PALB2: variants seen among roughly 807,000 people sequenced by gnomAD.
PALB2 encodes the protein mutant partner and localizer of BRCA2.
In PALB2, 82 loss-of-function variants were observed where a neutral mutation model predicts 107.4. The ratio of observed to expected loss-of-function variants is 0.76; its 90% CI spans 0.64 to 0.92. PALB2 has a LOEUF of 0.92. PALB2 is among the 40% of genes least tolerant of loss of function. The pLI, the probability that PALB2 is intolerant of heterozygous loss-of-function variation, is 0.00. For synonymous variants in PALB2, 489 were observed against 496.8 expected (o/e 0.98, Z 0.21); for missense variants, 1,374 against 1,379.9 (o/e 1.00, Z 0.07).
chr16:23,616,489 C>T (rs1966686587), intron 10 of PALB2, among the ~76,000 whole-genome samples: 2 of 152,064 alleles, frequency 1.3e-5, no homozygotes, highest in South Asian at 4.1e-4. Flanking sequence ...TTGTTCTTTC[C>T]TCAAATCCCA....
At chr16:23,628,080 A>G (rs1966850316) in intron 6 of PALB2, among the ~76,000 whole-genome samples, 1 of 152,076 alleles carries the variant, frequency 6.6e-6, no homozygotes, top group South Asian at 2.1e-4. Context: ...AAAAATTAGC[A>G]AGGCGTGGTG....
intron 7 of PALB2, among the ~76,000 whole-genome samples, chr16:23,625,264 C>T (rs1305085087): frequency 6.6e-6 from 1 of 151,858 alleles, no homozygotes; most frequent in African/African-American, 2.4e-5. Flanking sequence ...ACCCGGGAAG[C>T]GGAGATTGCA....
rs756502783 is a variant in PALB2 at position 23,629,649 on chromosome 16, G to A, written c.2505C>T (p.Ser835=). ...AGGAAATGGATTGTACCTGTTCGACGGAATGTTTATGCAGCTCCTGGCATG... is the reference window on the plus strand; with the variant it reads ...AGGAAATGGATTGTACCTGTTCGACAGAATGTTTATGCAGCTCCTGGCATG... ...RNTCQELHKH[S]VEQTETAELP... Residue 835 remains serine (S), a synonymous_variant, in exon 5 of 13, where the codon TCC becomes TCT. Coordinates refer to ENST00000261584, the MANE Select transcript of PALB2 (RefSeq NM_024675.4). 1.4e-5 allele frequency: 23 copies of A among 1,613,834 alleles called. No individual in the cohort carries two copies. Among genetic ancestry groups the A allele is most frequent in the Middle Eastern group, 3.3e-4 (2 of 6,082 alleles).
Position 23,608,030 on chromosome 16 carries a change from TA to T in PALB2, c.3202-19del, listed in dbSNP as rs776966018. On this transcript the variant is annotated intron_variant, in intron 11 of 12. Transcript: ENST00000261584. ...AGAAGCCCCTAATTTCGGAGAAAAATAAATATCCCAAATAGACTGTCAAGAG... is the reference window on the plus strand; with the variant it reads ...AGAAGCCCCTAATTTCGGAGAAAAATAATATCCCAAATAGACTGTCAAGAG... The T allele has an allele frequency of 1.2e-6, 2 of 1,610,894 alleles. No individual in the cohort carries two copies. Among genetic ancestry groups the T allele is most frequent in the South Asian group, 2.2e-5 (2 of 91,008 alleles).
chr16:23,624,265 T>C (rs1265565017), intron 7 of PALB2, among the ~76,000 whole-genome samples, 171 bp from the exon 8 acceptor site: 1 of 152,244 alleles, frequency 6.6e-6, no homozygotes, highest in Admixed American at 6.5e-5. Context: ...ATAAACTATA[T>C]GCATAATAGC....
intron 8 of PALB2, among the ~76,000 whole-genome samples, 182 bp from the exon 9 acceptor site, chr16:23,623,312 C>T (rs1966809678): frequency 6.7e-6 from 1 of 150,230 alleles, no homozygotes; most frequent in South Asian, 2.1e-4. Context: ...AAGCGACTGT[C>T]CTGCCTCAGC....
Position 23,635,178 on chromosome 16 carries a change from C to G in PALB2, c.1368G>C (p.Glu456Asp). 6.2e-7 allele frequency: 1 copy of G among 1,614,144 alleles called. No individual in the cohort carries two copies. Among genetic ancestry groups the G allele is most frequent in the Non-Finnish European group, 8.5e-7 (1 of 1,180,036 alleles). Reference protein sequence around the residue: ...DASKNLNLSNEETDQSEIRMS... With the variant: ...DASKNLNLSNDETDQSEIRMS... ...TCCTAATTTCACTTTGGTCAGTTTCCTCATTGGAAAGGTTTAAATTTTTAC... is the reference window on the plus strand; with the variant it reads ...TCCTAATTTCACTTTGGTCAGTTTCGTCATTGGAAAGGTTTAAATTTTTAC... Residue 456 changes from glutamate (E) to aspartate (D), a missense_variant, in exon 4 of 13, where the codon GAG becomes GAC. Transcript: ENST00000261584.
Position 23,641,168 on chromosome 16 carries a change from A to G in PALB2, c.-11T>C, listed in dbSNP as rs1967237547. 6.2e-7 allele frequency: 1 copy of G among 1,612,288 alleles called. No individual in the cohort carries two copies. The highest frequency in any genetic ancestry group is 8.5e-7 in the Non-Finnish European group (1 of 1,179,628). On this transcript the variant is annotated 5_prime_UTR_variant, in exon 1 of 13. Coordinates refer to ENST00000261584, the MANE Select transcript of PALB2 (RefSeq NM_024675.4). ...GGGAGGCTCGTCCATCGGGCAGGCGACAGAACGAAAAGAGCAGCCGTCGCC... is the reference window on the plus strand; with the variant it reads ...GGGAGGCTCGTCCATCGGGCAGGCGGCAGAACGAAAAGAGCAGCCGTCGCC...
chr16:23,605,230 G>C (rs899397968), intron 12 of PALB2, among the ~76,000 whole-genome samples: 3 of 151,948 alleles, frequency 2.0e-5, no homozygotes, highest in Non-Finnish European at 4.4e-5. Context: ...CTTATCTTTG[G>C]AAACTCCCTA....
At position 23,603,419 on chromosome 16, in the gene PALB2, C is replaced by A. The variant is rs2142250164; in HGVS notation, c.*40G>T. 6.6e-7 allele frequency: 1 copy of A among 1,519,248 alleles called. No individual in the cohort carries two copies. The highest frequency in any genetic ancestry group is 9.1e-7 in the Non-Finnish European group (1 of 1,094,430). The allele number at this position is 1,519,248 out of a possible 1,614,324, so 94.1% of individuals were successfully genotyped here. On this transcript the variant is annotated 3_prime_UTR_variant, in exon 13 of 13. Transcript: ENST00000261584. ...AAAACTCCAAAAAATACTAAGAGGC[C>A]CAATATATCCAGAAAATTGTGTTTT...
intron 9 of PALB2, among the ~76,000 whole-genome samples, chr16:23,622,568 A>C (rs1211240043): frequency 6.6e-6 from 1 of 151,988 alleles, no homozygotes; most frequent in African/African-American, 2.4e-5. Flanking sequence ...GCTAATTTTT[A>C]AATTTTTTGT....
chr16:23,625,019 C>T (rs191465745), intron 7 of PALB2, among the ~76,000 whole-genome samples: 1 of 152,248 alleles, frequency 6.6e-6, no homozygotes, highest in East Asian at 1.9e-4. Flanking sequence ...TTCTAAGCTC[C>T]TCCAACAGGT....
intron 10 of PALB2, among the ~76,000 whole-genome samples, chr16:23,618,201 A>G (rs1411717659): frequency 6.6e-6 from 1 of 152,142 alleles, no homozygotes; most frequent in Non-Finnish European, 1.5e-5. Flanking sequence ...CAGGAGGCTG[A>G]GGTGGGAGGA....
In PALB2 at chr16:23,637,968, A is replaced by C. The variant is rs2142458255; in HGVS notation, c.109-16T>G. The C allele has an allele frequency of 6.2e-7, 1 of 1,609,738 alleles. No homozygotes were observed. The highest frequency in any genetic ancestry group is 8.5e-7 in the Non-Finnish European group (1 of 1,176,014). The stretch of plus-strand genomic sequence containing the variant: ...TTTGGGCACGCTAGAGGAGACAAAA[A>C]CAGCCCCAGAAATACGTTTTCTTTA... On this transcript the variant is annotated splice_polypyrimidine_tract_variant and intron_variant, in intron 2 of 12. Transcript: ENST00000261584.
chr16:23,616,748 C>G (rs1391442484), intron 10 of PALB2, among the ~76,000 whole-genome samples: 1 of 152,132 alleles, frequency 6.6e-6, no homozygotes, highest in African/African-American at 2.4e-5. Flanking sequence ...CACACTGGCC[C>G]CTCAGTGTTT....
At chr16:23,610,657 C>A (rs755574602) in intron 11 of PALB2, among the ~76,000 whole-genome samples, 30 of 152,060 alleles carry the variant, frequency 2.0e-4, no homozygotes, top group Non-Finnish European at 4.1e-4. Context: ...TACTTACTAT[C>A]TTACACATGT....
intron 7 of PALB2, among the ~76,000 whole-genome samples, chr16:23,625,725 C>G (rs139152616): frequency 6.6e-6 from 1 of 151,748 alleles, no homozygotes; most frequent in Non-Finnish European, 1.5e-5. Context: ...TGAACCTGGG[C>G]GGCAGAGGTT....
Position 23,629,683 on chromosome 16 carries a change from CA to C in PALB2, c.2470del (p.Cys824ValfsTer27), listed in dbSNP as rs876658348. 6.2e-7 allele frequency: 1 copy of C among 1,614,224 alleles called. No homozygotes were observed. The highest frequency in any genetic ancestry group is 2.2e-5 in the East Asian group (1 of 44,894). ...ESFTFKENQL[C>X]RNTCQELHKH... ...ATGCAGCTCCTGGCATGTGTTTCTA[CA>C]GAGCTGATTTTCTTTAAAAGTGAAT... is the stretch of plus-strand genomic sequence containing the variant. On this transcript the variant is annotated frameshift_variant, in exon 5 of 13. Coordinates refer to ENST00000261584, the MANE Select transcript of PALB2 (RefSeq NM_024675.4). LOFTEE classifies it high-confidence loss of function.
rs1567217463 is a variant in PALB2, at chr16:23,629,783, C to T, written c.2371G>A (p.Val791Met). Residue 791 changes from valine to methionine, a missense_variant, in exon 5 of 13, where the codon GTG becomes ATG. Transcript: ENST00000261584. ...GTAGGTTGTCCTTGCCTGCCTGACA[C>T]TTGCAGGGTGGTATGTGGTTTTGCT... The part of the protein sequence containing the change: ...SPAKPHTTLQ[V>M]SGRQGQPTCD... The T allele has an allele frequency of 6.2e-7, 1 of 1,614,194 alleles. No individual in the cohort carries two copies. Among genetic ancestry groups the T allele is most frequent in the Non-Finnish European group, 8.5e-7 (1 of 1,180,030 alleles).
Sources: gnomAD v4.1 joint callset for allele counts (sites outside exome capture counted in the v4.1 genomes callset) on GRCh38, gnomAD v4.1.1 for gene constraint, MANE v1.5 for transcripts, NCBI Gene and HGNC (gene_info 2026-07-23, HGNC 2026-07-21) for gene names.